The following PDCD6IP variants were observed in gnomAD, a reference collection of about 807,000 sequenced individuals.
PDCD6IP encodes programmed cell death 6-interacting protein.
A neutral mutation model predicts 103.7 loss-of-function variants in PDCD6IP; 43 were observed. That is an observed-to-expected ratio of 0.41 (90% CI 0.32 to 0.53). The LOEUF is 0.53. PDCD6IP is among the 20% of genes least tolerant of loss of function. PDCD6IP has a pLI of 0.16. For synonymous variants in PDCD6IP, 354 were observed against 378.7 expected (o/e 0.93, Z 0.76); for missense variants, 871 against 1,036.7 (o/e 0.84, Z 2.20).
intron 1 of PDCD6IP, among the ~76,000 whole-genome samples, chr3:33,806,294 C>T (rs974382431): frequency 6.6e-6 from 1 of 152,116 alleles, no homozygotes; most frequent in East Asian, 1.9e-4. Flanking sequence ...CTATTTTAAG[C>T]ACTTCATATA....
intron 16 of PDCD6IP, among the ~76,000 whole-genome samples, chr3:33,864,741 G>A (rs891975852): frequency 6.6e-6 from 1 of 152,140 alleles, no homozygotes; most frequent in Non-Finnish European, 1.5e-5. Context: ...AGTCTTTAGG[G>A]CTAGTGTCAT....
At chr3:33,851,591 C>A (rs1025105384) in intron 12 of PDCD6IP, among the ~76,000 whole-genome samples, 1 of 152,004 alleles carries the variant, frequency 6.6e-6, no homozygotes, top group African/African-American at 2.4e-5. Context: ...CCTGCCTCAG[C>A]CTTTGGAGTA....
chr3:33,838,143 C>T (rs1697391043), intron 8 of PDCD6IP, 61 bp from the exon 9 acceptor site: 1 of 1,434,934 alleles, frequency 7.0e-7, no homozygotes, highest in Non-Finnish European at 9.8e-7. Flanking sequence ...TATAAACAGT[C>T]ACTTTTACAG....
At chr3:33,843,770 AATTG>A (rs1697526582) in intron 10 of PDCD6IP, among the ~76,000 whole-genome samples, 1 of 152,022 alleles carries the variant, frequency 6.6e-6, no homozygotes, top group East Asian at 1.9e-4. Context: ...TTTTTAATGT[AATTG>A]ATCAGTTTTC....
intron 15 of PDCD6IP, among the ~76,000 whole-genome samples, chr3:33,863,670 A>G (rs1254372573): frequency 1.3e-5 from 2 of 152,188 alleles, no homozygotes; most frequent in East Asian, 3.8e-4. Flanking sequence ...CTGCTGATGG[A>G]CACTTAGGTT....
At chr3:33,855,319 A>G (rs1697802735) in intron 15 of PDCD6IP, 59 bp downstream of exon 15, 5 of 1,088,872 alleles carry the variant, frequency 4.6e-6, no homozygotes, top group Admixed American at 1.8e-5. Flanking sequence ...AAAATCATGT[A>G]GAGACTTTTG....
intron 16 of PDCD6IP, among the ~76,000 whole-genome samples, chr3:33,864,865 T>A (rs1284406823): frequency 6.6e-6 from 1 of 152,198 alleles, no homozygotes; most frequent in Non-Finnish European, 1.5e-5. Context: ...GATGTGTGAT[T>A]ATTTTATATA....
chr3:33,811,997 T>G, intron 1 of PDCD6IP, 75 bp from the exon 2 acceptor site: 1 of 1,487,128 alleles, frequency 6.7e-7, no homozygotes. Flanking sequence ...TTTGTATCAT[T>G]TTAAACCAGT....
intron 3 of PDCD6IP, among the ~76,000 whole-genome samples, chr3:33,815,572 G>A (rs1696829362): frequency 6.6e-6 from 1 of 152,188 alleles, no homozygotes; most frequent in Non-Finnish European, 1.5e-5. Flanking sequence ...TGAGGAGACT[G>A]ATGAGAGATG....
intron 15 of PDCD6IP, among the ~76,000 whole-genome samples, chr3:33,860,702 T>C (rs1274230043): frequency 1.3e-5 from 2 of 152,232 alleles, no homozygotes; most frequent in Non-Finnish European, 2.9e-5. Flanking sequence ...TTCATCAGTA[T>C]AGTTGTGTGT....
chr3:33,812,382 T>C (rs1332044815), intron 2 of PDCD6IP, among the ~76,000 whole-genome samples: 2 of 152,242 alleles, frequency 1.3e-5, no homozygotes, highest in Non-Finnish European at 2.9e-5. Flanking sequence ...CAGTAGGATC[T>C]GTTGACTGAT....
At chr3:33,820,684 ATTTAGCTTAATG>A (rs1696971713) in intron 3 of PDCD6IP, among the ~76,000 whole-genome samples, 1 of 152,128 alleles carries the variant, frequency 6.6e-6, no homozygotes, top group African/African-American at 2.4e-5. Flanking sequence ...CTGACATTTC[ATTTAGCTTAATG>A]TCCTCAAGAT....
Position 33,865,329 on chromosome 3 carries a change from G to C in PDCD6IP, c.2331G>C (p.Val777=), listed in dbSNP as rs138472127. Residue 777 remains valine, a synonymous_variant, in exon 17 of 18, where the codon GTG becomes GTC. Coordinates refer to ENST00000307296, the MANE Select transcript of PDCD6IP (RefSeq NM_013374.6). The part of the protein sequence containing the change: ...RAPSATAPSP[V]GAGTAAPAPS... ...CTTCTGCTACTGCTCCATCTCCAGT[G>C]GGGGCTGGGACTGCTGCGCCAGCTC... 14 of 1,595,922 alleles carry C rather than the reference G, an allele frequency of 8.8e-6. No individual in the cohort carries two copies. Among genetic ancestry groups the C allele is most frequent in the South Asian group, 7.9e-5 (7 of 88,382 alleles).
intron 17 of PDCD6IP, among the ~76,000 whole-genome samples, chr3:33,866,070 A>AT (rs199790931): frequency 2.0e-5 from 3 of 151,748 alleles, no homozygotes; most frequent in Non-Finnish European, 4.4e-5. Context: ...AAGGGTCTCC[A>AT]TTTTTTTTCT....
chr3:33,824,960 T>G (rs1697083645), intron 4 of PDCD6IP, among the ~76,000 whole-genome samples: 1 of 152,266 alleles, frequency 6.6e-6, no homozygotes, highest in South Asian at 2.1e-4. Context: ...TTGTTTTTCC[T>G]TGTAATTTAC....
At chr3:33,823,819 GT>G (rs1185614831) in intron 4 of PDCD6IP, among the ~76,000 whole-genome samples, 1 of 152,088 alleles carries the variant, frequency 6.6e-6, no homozygotes, top group Non-Finnish European at 1.5e-5. Flanking sequence ...TGAAAACGAA[GT>G]AAAATTTTAT....
At chr3:33,834,473 G>A (rs998132739) in intron 7 of PDCD6IP, among the ~76,000 whole-genome samples, 4 of 151,976 alleles carry the variant, frequency 2.6e-5, no homozygotes, top group South Asian at 2.1e-4. Flanking sequence ...GCAATTTCCC[G>A]TTTCCTAGTT....
rs577553592 is a variant in PDCD6IP at position 33,802,229 on chromosome 3, C to A, written c.209+3292C>A. ...AGGATGGAGAAAGGCACGGGGCTCGCCCTTTAGGGTGTTTCCTGGCAACTG... is the reference window on the plus strand; with the variant it reads ...AGGATGGAGAAAGGCACGGGGCTCGACCTTTAGGGTGTTTCCTGGCAACTG... On this transcript the variant is annotated intron_variant, in intron 1 of 17. Transcript: ENST00000307296. 3.3e-5 allele frequency among the ~76,000 whole-genome samples: 5 copies of A among 152,230 alleles called. No individual in the cohort carries two copies. The South Asian group carries it at 1.0e-3, about 32-fold the overall frequency.
chr3:33,850,400 G>C (rs1311634870), intron 12 of PDCD6IP, among the ~76,000 whole-genome samples: 1 of 151,894 alleles, frequency 6.6e-6, no homozygotes, highest in East Asian at 1.9e-4. Context: ...TGATTCAAAA[G>C]GTACATACAG....
Sources: allele counts gnomAD v4.1 joint callset (sites outside exome capture counted in the v4.1 genomes callset), GRCh38; gene constraint gnomAD v4.1.1; transcripts MANE v1.5; gene names NCBI Gene and HGNC (gene_info 2026-07-23, HGNC 2026-07-21).